Variants in SRRM4 observed in about 807,000 individuals in gnomAD.
The protein encoded by SRRM4 is serine/arginine repetitive matrix 4.
SRRM4 carries 33 observed loss-of-function variants against 68.9 expected under a neutral mutation model. The ratio of observed to expected loss-of-function variants is 0.48; its 90% CI spans 0.36 to 0.64. The LOEUF is 0.64. Ranked by LOEUF, SRRM4 falls within the 30% of genes least tolerant of loss-of-function variation. The pLI is 0.00. For missense variants in SRRM4, 817 were observed against 827.1 expected (o/e 0.99, Z 0.15); for synonymous variants, 318 against 318.8 (o/e 1.00, Z 0.03).
chr12:119,138,974 C>A (rs1436127121), intron 8 of SRRM4, among the ~76,000 whole-genome samples: 1 of 152,084 alleles, frequency 6.6e-6, no homozygotes, highest in African/African-American at 2.4e-5. Context: ...ACCTGGAGGG[C>A]ATTATTACCA....
At chr12:119,019,954 C>A (rs372271041) in intron 1 of SRRM4, among the ~76,000 whole-genome samples, 12 of 74,162 alleles carry the variant, frequency 1.6e-4, no homozygotes, top group South Asian at 4.3e-4. Context: ...CCCGCTCCCC[C>A]CCCCCCCAAA....
chr12:119,108,735 C>CA (rs1356456749), intron 2 of SRRM4, among the ~76,000 whole-genome samples: 5 of 151,934 alleles, frequency 3.3e-5, no homozygotes, highest in African/African-American at 1.2e-4. Context: ...AGATGGGTCT[C>CA]TTGAATACAG....
chr12:119,039,177 A>G (rs1698452947), intron 1 of SRRM4, among the ~76,000 whole-genome samples: 1 of 152,230 alleles, frequency 6.6e-6, no homozygotes, highest in African/African-American at 2.4e-5. Context: ...ATGTCCTGCC[A>G]TAGGGCTTAC....
chr12:119,029,668 G>T (rs1328143825), intron 1 of SRRM4, among the ~76,000 whole-genome samples: 1 of 152,144 alleles, frequency 6.6e-6, no homozygotes, highest in Non-Finnish European at 1.5e-5. Context: ...CTCAGGGAAA[G>T]AAAATGTAGA....
At chr12:119,114,867 T>G (rs1413748109) in intron 3 of SRRM4, among the ~76,000 whole-genome samples, 2 of 151,950 alleles carry the variant, frequency 1.3e-5, no homozygotes, top group Non-Finnish European at 2.9e-5. Context: ...AATTTCACTG[T>G]GTTAGCCAGG....
chr12:118,991,514 G>T (rs148826942), intron 1 of SRRM4, among the ~76,000 whole-genome samples: 2 of 152,292 alleles, frequency 1.3e-5, no homozygotes, highest in Admixed American at 1.3e-4. Context: ...CTCTCCTAAC[G>T]GTTGAGGCCT....
In SRRM4 at chr12:119,158,694, C is replaced by T. The variant is rs552611071; in HGVS notation, c.*1896C>T. The stretch of plus-strand genomic sequence containing the variant: ...TACAGCCACTGTAAATAACCCTCGT[C>T]CCTGCCCAGGAACCCAGACTGGACT... On this transcript the variant is annotated 3_prime_UTR_variant, in exon 13 of 13. Transcript: ENST00000267260. 5.9e-5 allele frequency: 9 copies of T among 152,678 alleles called. No homozygotes were observed. The East Asian group carries it at 1.7e-3, about 30-fold the overall frequency. 9.5% of individuals were successfully genotyped at this position (152,678 alleles called of 1,614,324 possible).
intron 8 of SRRM4, among the ~76,000 whole-genome samples, chr12:119,131,466 G>T (rs1954296896): frequency 6.6e-6 from 1 of 152,174 alleles, no homozygotes; most frequent in African/African-American, 2.4e-5. Context: ...GTTAAGGGCT[G>T]GGGTAAAGCC....
At chr12:119,141,418 G>A (rs925631913) in intron 8 of SRRM4, among the ~76,000 whole-genome samples, 10 of 152,168 alleles carry the variant, frequency 6.6e-5, no homozygotes, top group Middle Eastern at 3.4e-3. Flanking sequence ...ATAAATATTT[G>A]ATTCTAGAGG....
intron 1 of SRRM4, among the ~76,000 whole-genome samples, chr12:119,013,505 C>G (rs1279879300): frequency 6.6e-6 from 1 of 152,176 alleles, no homozygotes; most frequent in Non-Finnish European, 1.5e-5. Flanking sequence ...TTCATCTTAA[C>G]TTTGTACTCC....
At chr12:119,071,406 G>A (rs1440743097) in intron 1 of SRRM4, among the ~76,000 whole-genome samples, 1 of 152,212 alleles carries the variant, frequency 6.6e-6, no homozygotes, top group African/African-American at 2.4e-5. Context: ...TAATGCGGTT[G>A]TGAGAATTAA....
chr12:119,023,019 C>G (rs1216887561), intron 1 of SRRM4, among the ~76,000 whole-genome samples: 10 of 152,172 alleles, frequency 6.6e-5, no homozygotes, highest in Non-Finnish European at 1.2e-4. Flanking sequence ...TGAAGCCCCC[C>G]AGAATTATAC....
chr12:119,147,682 C>G (rs1954412862), intron 9 of SRRM4, among the ~76,000 whole-genome samples: 1 of 152,186 alleles, frequency 6.6e-6, no homozygotes. Context: ...TATAATTTAT[C>G]AACATATCAG....
At chr12:119,102,211 T>C (rs370167416) in intron 1 of SRRM4, 25 bp from the exon 2 acceptor site, 12 of 1,597,488 alleles carry the variant, frequency 7.5e-6, no homozygotes, top group Admixed American at 1.8e-5. Context: ...CTAACACTTT[T>C]GTGTCCTTAT....
At chr12:119,156,414 T>G in intron 12 of SRRM4, 81 bp from the exon 13 acceptor site, 1 of 1,475,000 alleles carries the variant, frequency 6.8e-7, no homozygotes, top group Non-Finnish European at 9.0e-7. Context: ...GATATTGGTT[T>G]CCCTTGGGAC....
chr12:119,133,198 T>C (rs928411583), intron 8 of SRRM4: 2 of 152,166 alleles, frequency 1.3e-5, no homozygotes, highest in African/African-American at 4.8e-5. Flanking sequence ...GAGAATTCAA[T>C]GACACAATGT....
At chr12:119,022,178 A>T (rs1953520506) in intron 1 of SRRM4, among the ~76,000 whole-genome samples, 1 of 152,150 alleles carries the variant, frequency 6.6e-6, no homozygotes, top group African/African-American at 2.4e-5. Context: ...AATAAAATTT[A>T]ATAAAATTTA....
chr12:118,984,495 G>A (rs1366163091), intron 1 of SRRM4, among the ~76,000 whole-genome samples: 1 of 152,116 alleles, frequency 6.6e-6, no homozygotes, highest in Non-Finnish European at 1.5e-5. Context: ...AGTGGGTGGA[G>A]GAACCACTAG....
intron 1 of SRRM4, among the ~76,000 whole-genome samples, chr12:119,102,025 G>A (rs1954080556): frequency 6.6e-6 from 1 of 152,174 alleles, no homozygotes; most frequent in African/African-American, 2.4e-5. Context: ...GAGGAAGGGG[G>A]AGCTGGAAAG....
Sources: allele counts gnomAD v4.1 joint callset (sites outside exome capture counted in the v4.1 genomes callset), GRCh38; gene constraint gnomAD v4.1.1; transcripts MANE v1.5; gene names NCBI Gene and HGNC (gene_info 2026-07-23, HGNC 2026-07-21).